The following STARD9 variants were observed in gnomAD, a reference collection of about 807,000 sequenced individuals.
STARD9 encodes the protein stAR-related lipid transfer protein 9.
A neutral mutation model predicts 399.8 loss-of-function variants in STARD9; 346 were observed. The observed-to-expected ratio is 0.87, with a 90% CI of 0.79 to 0.95. The LOEUF (loss-of-function observed/expected upper bound fraction) is 0.95, where lower values mean the gene tolerates loss of function less well. Among genes scored for constraint, STARD9 ranks in the 40% least tolerant of loss-of-function variants. STARD9 has a pLI of 0.00. For synonymous variants in STARD9, 2,203 were observed against 2,143.5 expected, an observed-to-expected ratio of 1.03 and a Z score of -0.77; for missense variants, 5,832 against 5,667.5, an observed-to-expected ratio of 1.03 and a Z score of -0.93.
intron 9 of STARD9, among the ~76,000 whole-genome samples, chr15:42,654,097 GCCT>G (rs2059817565): frequency 6.6e-6 from 1 of 152,086 alleles, no homozygotes; most frequent in East Asian, 1.9e-4. Flanking sequence ...CATTTCTTCT[GCCT>G]CCTCTGGGCA....
At chr15:42,705,925 G>C (rs1184076611) in intron 26 of STARD9, among the ~76,000 whole-genome samples, 4 of 151,742 alleles carry the variant, frequency 2.6e-5, no homozygotes, top group African/African-American at 9.7e-5. Context: ...GCTAATTTTT[G>C]TGTTTTTAGT....
In STARD9 at chr15:42,652,621, T is replaced by G. The variant is rs1030699741; in HGVS notation, c.702+29T>G. On this transcript the variant is annotated intron_variant, in intron 9 of 32. Coordinates refer to ENST00000290607, the MANE Select transcript of STARD9 (RefSeq NM_020759.3). Reference sequence around the variant, plus strand: ...GGTAACTCCTTATGTTTGGTGAGATTTCTTCCTCTCCTTGTACCTTTAAAC... The same window carrying G: ...GGTAACTCCTTATGTTTGGTGAGATGTCTTCCTCTCCTTGTACCTTTAAAC... 4.6e-6 allele frequency: 7 copies of G among 1,518,848 alleles called. 1 individual carries two copies. The Admixed American group carries it at 1.4e-4, about 30-fold the overall frequency. The allele number at this position is 1,518,848 out of a possible 1,614,324, so 94.1% of individuals were successfully genotyped here.
At position 42,694,870 on chromosome 15, in the gene STARD9, AG is replaced by A. The variant is rs1015728234; in HGVS notation, c.12962+148del. 16 of 241,698 alleles carry A rather than the reference AG, an allele frequency of 6.6e-5. No individual in the cohort carries two copies. The Admixed American group carries it at 6.7e-4, about 10-fold the overall frequency. The allele number at this position is 241,698 out of a possible 1,614,324, so 15.0% of individuals were successfully genotyped here. ...AGAGGACATAGAAGGGAATGGAATG[AG>A]GGAGGGGGTGGGCAGAGAGAAGGCA... On this transcript the variant is annotated intron_variant, in intron 24 of 32. Transcript: ENST00000290607.
Position 42,685,879 on chromosome 15 carries a change from C to T in STARD9, c.4301C>T (p.Pro1434Leu), listed in dbSNP as rs1482438644. ...SLWGIQRLIQ[P>L]GADGTFQGRC... ...TGGGGAATTCAAAGGCTTATTCAAC[C>T]AGGAGCTGATGGCACCTTTCAGGGC... The change falls in exon 23 of 33, where the codon CCA becomes CTA. Residue 1434 changes from proline (P) to leucine (L), a missense_variant. Coordinates refer to ENST00000290607, the MANE Select transcript of STARD9 (RefSeq NM_020759.3). 6.5e-7 allele frequency: 1 copy of T among 1,537,118 alleles called. No homozygotes were observed. Among genetic ancestry groups the T allele is most frequent in the Non-Finnish European group, 8.7e-7 (1 of 1,146,906 alleles).
chr15:42,598,339 A>G (rs543662054), intron 3 of STARD9, among the ~76,000 whole-genome samples: 2 of 151,456 alleles, frequency 1.3e-5, no homozygotes, highest in African/African-American at 4.9e-5. Context: ...CCCAGCCTAT[A>G]TTTTTAATGT....
rs531420240 is a variant in STARD9 at position 42,652,490 on chromosome 15, C to T, written c.630-30C>T. On this transcript the variant is annotated intron_variant, in intron 8 of 32. Transcript: ENST00000290607. Reference sequence around the variant, plus strand: ...GAATCCACCATGTGTAAACAATCCTCGTCCTAACAGTTTTTCCTTGTATAC... The same window carrying T: ...GAATCCACCATGTGTAAACAATCCTTGTCCTAACAGTTTTTCCTTGTATAC... 49 of 1,524,720 alleles carry T rather than the reference C, an allele frequency of 3.2e-5. No individual in the cohort carries two copies. The South Asian group carries it at 5.6e-4, about 17-fold the overall frequency. The allele number at this position is 1,524,720 out of a possible 1,614,324, so 94.4% of individuals were successfully genotyped here. A position where few individuals can be genotyped will look rare whatever the true frequency, so the allele number is the denominator to read the frequency against.
intron 26 of STARD9, among the ~76,000 whole-genome samples, chr15:42,711,302 G>A (rs995102458): frequency 5.9e-5 from 9 of 152,122 alleles, no homozygotes; most frequent in Middle Eastern, 3.4e-3. Context: ...ACCACGCCCC[G>A]CTAATTTTTT....
rs897693433 is a variant in STARD9 at position 42,691,704 on chromosome 15, T to G, written c.10126T>G (p.Ser3376Ala). 19 of 1,537,070 alleles carry G rather than the reference T, an allele frequency of 1.2e-5. No individual in the cohort carries two copies. The African/African-American group carries it at 2.5e-4, about 20-fold the overall frequency. ...CTCAGGAAAGTCAGTGGCAAGAACA[T>G]CTCTGCAGGCTGAGGACAGCAATCA... Reference protein sequence around the residue: ...YSSGKSVARTSLQAEDSNQKA... With the variant: ...YSSGKSVARTALQAEDSNQKA... The change falls in exon 23 of 33, where the codon TCT becomes GCT. Residue 3376 changes from serine to alanine, a missense_variant. By Grantham distance (99) the Ser-to-Ala change is moderately conservative. Coordinates refer to ENST00000290607, the MANE Select transcript of STARD9 (RefSeq NM_020759.3).
intron 7 of STARD9, among the ~76,000 whole-genome samples, chr15:42,641,036 T>A (rs562269594): frequency 2.3e-4 from 35 of 152,140 alleles, no homozygotes; most frequent in Non-Finnish European, 4.7e-4. Context: ...GAATCCTGTA[T>A]ATCAAGAACC....
chr15:42,604,099 C>T (rs375319864), intron 3 of STARD9, among the ~76,000 whole-genome samples: 1 of 152,160 alleles, frequency 6.6e-6, no homozygotes, highest in East Asian at 1.9e-4. Flanking sequence ...GTTAGCTTGA[C>T]CTGTGCCCAG....
At chr15:42,598,689 A>G (rs546622911) in intron 3 of STARD9, among the ~76,000 whole-genome samples, 6 of 152,106 alleles carry the variant, frequency 3.9e-5, no homozygotes, top group Non-Finnish European at 8.8e-5. Context: ...CATCGCCTCA[A>G]ACATTTATCT....
At chr15:42,664,549 T>G (rs2140109891) in intron 13 of STARD9, among the ~76,000 whole-genome samples, 1 of 152,156 alleles carries the variant, frequency 6.6e-6, no homozygotes, top group East Asian at 1.9e-4. Flanking sequence ...AAAATTTTTG[T>G]AGAAACAAGG....
In STARD9 at chr15:42,705,562, GTAC is replaced by G. The variant is rs555025273; in HGVS notation, c.13284+9683_13284+9685del. 1.4e-4 allele frequency among the ~76,000 whole-genome samples: 22 copies of G among 152,000 alleles called. No individual in the cohort carries two copies. The South Asian group carries it at 4.6e-3, about 32-fold the overall frequency. ...GATTCTTCCTGGCTCAGCACTCCGA[GTAC>G]CTGGGACTACAGGCATGCATCACCC... On this transcript the variant is annotated intron_variant, in intron 26 of 32. Coordinates refer to ENST00000290607, the MANE Select transcript of STARD9 (RefSeq NM_020759.3).
chr15:42,689,470 T>A lies in STARD9; in HGVS notation c.7892T>A (p.Leu2631Ter). The change falls in exon 23 of 33, where the codon TTA becomes TAA. Residue 2631 changes from leucine to a stop codon, truncating the protein, a stop_gained. Coordinates refer to ENST00000290607, the MANE Select transcript of STARD9 (RefSeq NM_020759.3). LOFTEE classifies it high-confidence loss of function. ...LSAEAGQIDL[L>*]PDERKVQATS... is the part of the protein sequence containing the mutation. ...GCTGAAGCAGGGCAGATAGATCTGT[T>A]ACCTGATGAGAGGAAAGTCCAGGCC... is the stretch of plus-strand genomic sequence containing the variant. 1 of 1,537,326 alleles carries A rather than the reference T, an allele frequency of 6.5e-7. No homozygotes were observed. The highest frequency in any genetic ancestry group is 8.7e-7 in the Non-Finnish European group (1 of 1,146,922).
intron 20 of STARD9, among the ~76,000 whole-genome samples, chr15:42,680,321 C>T (rs1328055923): frequency 2.6e-5 from 4 of 152,032 alleles, no homozygotes; most frequent in African/African-American, 4.8e-5. Context: ...TTTTTTAGGT[C>T]GGGCGTGGTG....
chr15:42,624,622 C>T (rs1250875848), intron 3 of STARD9, among the ~76,000 whole-genome samples: 1 of 151,708 alleles, frequency 6.6e-6, no homozygotes, highest in Non-Finnish European at 1.5e-5. Context: ...AATCTTGGCT[C>T]GCTGCAACCT....
chr15:42,646,031 G>T (rs561945292), intron 7 of STARD9, among the ~76,000 whole-genome samples: 1 of 151,950 alleles, frequency 6.6e-6, no homozygotes, highest in African/African-American at 2.4e-5. Context: ...CGTGGTGGCT[G>T]GTGCCTGTAA....
intron 3 of STARD9, among the ~76,000 whole-genome samples, chr15:42,623,376 C>G (rs959028027): frequency 1.3e-5 from 2 of 152,156 alleles, no homozygotes; most frequent in African/African-American, 4.8e-5. Context: ...TCATATTCTA[C>G]TATGTACTGG....
At chr15:42,582,701 T>G (rs2058199124) in intron 1 of STARD9, among the ~76,000 whole-genome samples, 1 of 152,148 alleles carries the variant, frequency 6.6e-6, no homozygotes, top group East Asian at 1.9e-4. Flanking sequence ...TAGAGTTTCT[T>G]TTCTTTTGAG....
Sources: allele counts gnomAD v4.1 joint callset (sites outside exome capture counted in the v4.1 genomes callset), GRCh38; gene constraint gnomAD v4.1.1; transcripts MANE v1.5; gene names NCBI Gene and HGNC (gene_info 2026-07-23, HGNC 2026-07-21).